DCAF5: variants seen among roughly 807,000 people sequenced by gnomAD.
DCAF5 encodes DDB1- and CUL4-associated factor 5.
Under a neutral mutation model 80.7 loss-of-function variants are expected in DCAF5, and 9 were observed. That is an observed-to-expected ratio of 0.11 (90% confidence interval 0.07 to 0.19). The LOEUF (loss-of-function observed/expected upper bound fraction) is 0.19. Among genes scored for constraint, DCAF5 ranks in the 10% least tolerant of loss-of-function variants. DCAF5 has a pLI of 1.00. For missense variants in DCAF5, 842 were observed against 1,205.7 expected, an observed-to-expected ratio of 0.70 and a Z score of 4.47; for synonymous variants, 433 against 461.9, an observed-to-expected ratio of 0.94 and a Z score of 0.80.
At chr14:69,110,101 T>C (rs886593372) in intron 5 of DCAF5, among the ~76,000 whole-genome samples, 1 of 152,210 alleles carries the variant, frequency 6.6e-6, no homozygotes, top group African/African-American at 2.4e-5. Flanking sequence ...TATTGGGTAT[T>C]TGGATATTTT....
At chr14:69,069,509 T>G (rs1206489820) in intron 7 of DCAF5, among the ~76,000 whole-genome samples, 3 of 152,204 alleles carry the variant, frequency 2.0e-5, no homozygotes, top group Non-Finnish European at 2.9e-5. Context: ...GTTGCTGAAG[T>G]GTGCAGCCTC....
intron 1 of DCAF5, among the ~76,000 whole-genome samples, chr14:69,149,161 G>T (rs139087981): frequency 6.6e-6 from 1 of 152,304 alleles, no homozygotes; most frequent in African/African-American, 2.4e-5. Flanking sequence ...AAGCCCCTCA[G>T]GTAGGTGCCA....
At chr14:69,101,352 C>T (rs925321357) in intron 5 of DCAF5, among the ~76,000 whole-genome samples, 2 of 152,196 alleles carry the variant, frequency 1.3e-5, no homozygotes, top group Non-Finnish European at 2.9e-5. Context: ...TTATTGAATA[C>T]CTGCTGACTA....
intron 6 of DCAF5, 152 bp from the exon 7 acceptor site, chr14:69,075,563 C>T (rs570495190): frequency 1.2e-4 from 36 of 307,284 alleles, no homozygotes; most frequent in African/African-American, 7.3e-4. Context: ...CTCACTGCAA[C>T]CTCCGACTCC....
At chr14:69,125,017 C>T (rs2040832447) in intron 1 of DCAF5, among the ~76,000 whole-genome samples, 1 of 152,142 alleles carries the variant, frequency 6.6e-6, no homozygotes, top group Admixed American at 6.5e-5. Context: ...AATCATAATA[C>T]TTCTTCTACC....
chr14:69,120,050 T>C (rs957416703), intron 2 of DCAF5, among the ~76,000 whole-genome samples: 4 of 144,714 alleles, frequency 2.8e-5, no homozygotes, highest in East Asian at 3.8e-4. Context: ...TTCTTTCTTT[T>C]GAGACAGGAT....
chr14:69,126,074 A>G (rs1370021391), intron 1 of DCAF5, among the ~76,000 whole-genome samples: 3 of 152,214 alleles, frequency 2.0e-5, no homozygotes, highest in African/African-American at 7.2e-5. Flanking sequence ...TAAATTTAAC[A>G]AGATTTTACA....
Position 69,054,882 on chromosome 14 carries a change from G to C in DCAF5, c.1804C>G (p.Pro602Ala). The stretch of plus-strand genomic sequence containing the variant: ...ATGTAAGTGTTGGTGGGCTTGATTG[G>C]GGCACTGGGCTTGTCTTCTCGGGTT... ...KTTREDKPSA[P>A]IKPTNTYIGE... The change falls in exon 9 of 9, where the codon CCA (proline) becomes GCA (alanine). Residue 602 changes from proline (P) to alanine (A), a missense_variant. Around this residue, in one of 5 missense-constraint regions of DCAF5, gnomAD observed 607 missense variants for 656.6 expected, o/e 0.92. Transcript: ENST00000341516. 1 of 1,614,146 alleles carries C rather than the reference G, an allele frequency of 6.2e-7. No homozygotes were observed.
intron 6 of DCAF5, chr14:69,090,920 C>T: frequency 1.8e-6 from 1 of 555,730 alleles, no homozygotes; most frequent in Non-Finnish European, 3.2e-6. Flanking sequence ...TTTATTTGAT[C>T]AGTCTTTCCT....
intron 7 of DCAF5, among the ~76,000 whole-genome samples, chr14:69,071,818 T>G (rs1047685036): frequency 6.6e-6 from 1 of 152,234 alleles, no homozygotes; most frequent in East Asian, 1.9e-4. Context: ...TAAATATTTT[T>G]TATAGCTATG....
chr14:69,091,802 G>A lies in DCAF5; in HGVS notation c.751C>T (p.Leu251=), dbSNP rs1192610439. 5 of 1,614,150 alleles carry A rather than the reference G, an allele frequency of 3.1e-6. No individual in the cohort carries two copies. In the South Asian group the frequency reaches 5.5e-5, roughly 18 times the overall value. ...AGCACAGGGGGCAGGCGTCGCCTCA[G>A]GGCCAGGAGCTGGGTCCCGTTGCTG... ...FNSNGTQLLA[L]RRRLPPVLYD... is the part of the protein sequence containing the mutation. Residue 251 remains leucine, a synonymous_variant, in exon 6 of 9, where the codon CTG becomes TTG. Transcript: ENST00000341516.
chr14:69,099,455 A>C (rs977136094), intron 5 of DCAF5, among the ~76,000 whole-genome samples: 1 of 152,058 alleles, frequency 6.6e-6, no homozygotes, highest in Non-Finnish European at 1.5e-5. Context: ...GTCCTCCTAC[A>C]TAGGTGCATA....
At chr14:69,149,142 T>G (rs1016362828) in intron 1 of DCAF5, among the ~76,000 whole-genome samples, 1 of 152,212 alleles carries the variant, frequency 6.6e-6, no homozygotes, top group African/African-American at 2.4e-5. Context: ...CTAACATAGT[T>G]CTCACAACAA....
At chr14:69,116,516 A>C (rs1181234126) in intron 4 of DCAF5, 21 bp from the exon 5 acceptor site, 7 of 1,610,452 alleles carry the variant, frequency 4.3e-6, no homozygotes, top group Non-Finnish European at 5.1e-6. Flanking sequence ...AAAAATTATA[A>C]TCAGTTCACT....
Position 69,152,874 on chromosome 14 carries a change from C to T in DCAF5, c.105G>A (p.Arg35=). Residue 35 remains arginine, a synonymous_variant, in exon 1 of 9, where the codon AGG becomes AGA. Transcript: ENST00000341516. The surrounding 1 kb of genome is among the most constrained non-coding windows in gnomAD (Gnocchi z 4.1). The stretch of plus-strand genomic sequence containing the variant: ...GGTTTCTGCAGCCCCGCAGGCGTCT[C>T]CTCTGAAAGTCCTGAGTGAGCAGGG... ...GDPLLTQDFQ[R]RRLRGCRNLY... The T allele has an allele frequency of 6.2e-7, 1 of 1,614,118 alleles. No individual in the cohort carries two copies. The highest frequency in any genetic ancestry group is 8.5e-7 in the Non-Finnish European group (1 of 1,180,008).
chr14:69,058,876 CAAA>C (rs541099480), intron 8 of DCAF5, among the ~76,000 whole-genome samples: 9 of 54,834 alleles, frequency 1.6e-4, no homozygotes, highest in Non-Finnish European at 2.3e-4. Flanking sequence ...GATCCTGTCT[CAAA>C]AAAAAAAAAA....
intron 5 of DCAF5, among the ~76,000 whole-genome samples, chr14:69,105,945 A>ATATATATATATATATATC (rs1566759384): frequency 7.5e-5 from 5 of 66,666 alleles, no homozygotes; most frequent in East Asian, 5.2e-4. Context: ...ATATATATAT[A>ATATATATATATATATATC]TCTCCTATTG....
At chr14:69,061,313 T>C (rs2038206707) in intron 8 of DCAF5, among the ~76,000 whole-genome samples, 1 of 152,222 alleles carries the variant, frequency 6.6e-6, no homozygotes, top group Admixed American at 6.5e-5. Flanking sequence ...ATTTTAGCTT[T>C]TGGCAGGAAC....
chr14:69,075,235 T>C, intron 7 of DCAF5, 110 bp downstream of exon 7: 1 of 699,224 alleles, frequency 1.4e-6, no homozygotes, highest in African/African-American at 1.8e-5. Context: ...TCACAGCTTA[T>C]GTTAGAAATG....
Sources: allele counts gnomAD v4.1 joint callset (sites outside exome capture counted in the v4.1 genomes callset), GRCh38; gene constraint gnomAD v4.1.1; regional missense constraint gnomAD v4.1.1; non-coding constraint Gnocchi (gnomAD v3.1); transcripts MANE v1.5; gene names NCBI Gene and HGNC (gene_info 2026-07-23, HGNC 2026-07-21).